Variants in ANO2 observed in about 807,000 individuals in gnomAD.
The protein encoded by ANO2 is anoctamin 2, also known as anoctamin-2.
In ANO2, 101 loss-of-function variants were observed where a neutral mutation model predicts 124.2. The ratio of observed to expected loss-of-function variants is 0.81; its 90% CI spans 0.69 to 0.96. ANO2 has a LOEUF of 0.96. Ranked by LOEUF, ANO2 falls within the 40% of genes least tolerant of loss-of-function variation. The probability of loss-of-function intolerance (pLI) is 0.00; values close to 1 mark genes in which losing one functional copy is unlikely to be tolerated. For synonymous variants in ANO2, 486 were observed against 482.5 expected (o/e 1.01, Z -0.09); for missense variants, 1,293 against 1,274.5 (o/e 1.01, Z -0.22).
intron 3 of ANO2, among the ~76,000 whole-genome samples, 159 bp downstream of exon 3, chr12:5,920,881 T>A (rs1445112167): frequency 6.6e-6 from 1 of 151,816 alleles, no homozygotes; most frequent in African/African-American, 2.4e-5. Context: ...AAAATTTTTT[T>A]TAAAAAAAGA....
intron 14 of ANO2, among the ~76,000 whole-genome samples, chr12:5,688,531 T>G (rs1234401711): frequency 6.6e-6 from 1 of 152,194 alleles, no homozygotes; most frequent in African/African-American, 2.4e-5. Flanking sequence ...AGGCTTAAAA[T>G]ATTGACTAAT....
intron 4 of ANO2, among the ~76,000 whole-genome samples, chr12:5,840,737 G>C (rs1038336854): frequency 2.6e-5 from 4 of 152,200 alleles, no homozygotes; most frequent in Non-Finnish European, 5.9e-5. Flanking sequence ...AGAACAGAAC[G>C]TGTGCTGCAG....
intron 10 of ANO2, among the ~76,000 whole-genome samples, chr12:5,793,145 A>G (rs188622718): frequency 1.3e-5 from 2 of 152,334 alleles, no homozygotes; most frequent in African/African-American, 4.8e-5. Flanking sequence ...AACAGGGTAT[A>G]CTTGTTCTGT....
intron 7 of ANO2, among the ~76,000 whole-genome samples, chr12:5,826,904 C>T (rs1219604801): frequency 6.6e-6 from 1 of 152,188 alleles, no homozygotes; most frequent in East Asian, 1.9e-4. Context: ...CAACCTAAAG[C>T]TGCCTCAAAA....
intron 10 of ANO2, among the ~76,000 whole-genome samples, chr12:5,789,192 C>T (rs1221927030): frequency 2.0e-5 from 3 of 152,330 alleles, no homozygotes; most frequent in Admixed American, 2.0e-4. Context: ...AGATGCAGTG[C>T]CTCTGAGTAG....
chr12:5,640,317 G>A (rs941806823), intron 15 of ANO2, among the ~76,000 whole-genome samples: 2 of 152,140 alleles, frequency 1.3e-5, no homozygotes, highest in Admixed American at 6.5e-5. Flanking sequence ...TGGCTTACCC[G>A]AACTTTATCA....
chr12:5,802,410 C>T (rs1953068742), intron 9 of ANO2, among the ~76,000 whole-genome samples: 1 of 152,204 alleles, frequency 6.6e-6, no homozygotes, highest in Admixed American at 6.5e-5. Context: ...AGCTGGGAGG[C>T]GGTGCAGCAA....
intron 4 of ANO2, among the ~76,000 whole-genome samples, chr12:5,837,430 A>G (rs1954364559): frequency 7.2e-6 from 1 of 138,340 alleles, no homozygotes; most frequent in Non-Finnish European, 1.5e-5. Context: ...GCACCCACTA[A>G]CTCGTCATCT....
intron 13 of ANO2, among the ~76,000 whole-genome samples, chr12:5,738,159 A>T (rs891387777): frequency 2.6e-5 from 4 of 152,226 alleles, no homozygotes; most frequent in African/African-American, 9.6e-5. Flanking sequence ...GGGTCCTGCC[A>T]TTCTTCAGCC....
At chr12:5,943,158 T>C (rs970133840) in intron 1 of ANO2, among the ~76,000 whole-genome samples, 1 of 152,164 alleles carries the variant, frequency 6.6e-6, no homozygotes, top group Non-Finnish European at 1.5e-5. Flanking sequence ...AAAAGACACA[T>C]GCACATGTAT....
chr12:5,586,287 T>A (rs1195222477), intron 20 of ANO2, among the ~76,000 whole-genome samples: 1 of 152,224 alleles, frequency 6.6e-6, no homozygotes, highest in South Asian at 2.1e-4. Flanking sequence ...GACCTGGGAC[T>A]CAACCTACTT....
At chr12:5,578,602 C>A in intron 20 of ANO2, 84 bp from the exon 21 acceptor site, 1 of 1,405,614 alleles carries the variant, frequency 7.1e-7, no homozygotes, top group South Asian at 1.4e-5. Context: ...GCCCCTTGTC[C>A]TTTCTGCCTT....
At position 5,922,756 on chromosome 12, in the gene ANO2, C is replaced by A. The variant is rs774025431; in HGVS notation, c.71G>T (p.Gly24Val). 6.4e-7 allele frequency: 1 copy of A among 1,573,918 alleles called. No homozygotes were observed. The highest frequency in any genetic ancestry group is 2.3e-5 in the East Asian group (1 of 43,520). Residue 24 changes from glycine to valine, a missense_variant, in exon 2 of 25, where the codon GGG becomes GTG. Physicochemically the swap from Gly to Val is moderately radical, Grantham distance 109 (BLOSUM62 -3). Coordinates refer to ENST00000682330, the MANE Select transcript of ANO2 (RefSeq NM_001364791.2). ...GSPRRLSPQAGSRGGQGPKHG... is the reference protein window; with the variant it reads ...GSPRRLSPQAVSRGGQGPKHG... Reference sequence around the variant, plus strand: ...TTTGGGGCCCTGGCCCCCTCTGGACCCTGCCTGAGGGCTCAGCCGGCGTGG... The same window carrying A: ...TTTGGGGCCCTGGCCCCCTCTGGACACTGCCTGAGGGCTCAGCCGGCGTGG...
chr12:5,623,997 G>T (rs76702998), intron 16 of ANO2, among the ~76,000 whole-genome samples: 1 of 152,102 alleles, frequency 6.6e-6, no homozygotes, highest in African/African-American at 2.4e-5. Flanking sequence ...GGCAGCCAGC[G>T]CATGACCTGA....
At position 5,565,050 on chromosome 12, in the gene ANO2, C is replaced by T. The variant is rs530376278; in HGVS notation, c.2727+508G>A. Among the ~76,000 whole-genome samples the T allele has an allele frequency of 3.3e-5, 5 of 152,138 alleles. No individual in the cohort carries two copies. The South Asian group carries it at 6.2e-4, about 19-fold the overall frequency. On this transcript the variant is annotated intron_variant, in intron 24 of 24. Coordinates refer to ENST00000682330, the MANE Select transcript of ANO2 (RefSeq NM_001364791.2). Reference sequence around the variant, plus strand: ...TGTCCCAGATAGGAATCACTGGGCTCGAGTTTGCTATTCATTCAGGGATGG... The same window carrying T: ...TGTCCCAGATAGGAATCACTGGGCTTGAGTTTGCTATTCATTCAGGGATGG...
chr12:5,731,019 A>T (rs908957070), intron 14 of ANO2, among the ~76,000 whole-genome samples: 1 of 152,386 alleles, frequency 6.6e-6, no homozygotes, highest in African/African-American at 2.4e-5. Flanking sequence ...CAATGTTTAT[A>T]TTAGAACCAC....
At chr12:5,657,640 A>C (rs1268468802) in intron 14 of ANO2, among the ~76,000 whole-genome samples, 3 of 151,912 alleles carry the variant, frequency 2.0e-5, no homozygotes, top group African/African-American at 7.3e-5. Context: ...CTCAGGGAGG[A>C]GGTACAAGTG....
chr12:5,879,687 G>A (rs768489601), intron 3 of ANO2, among the ~76,000 whole-genome samples: 1 of 152,214 alleles, frequency 6.6e-6, no homozygotes. Context: ...GAGCATTTCA[G>A]ATGGAGAGAG....
At chr12:5,663,071 G>T (rs1056484150) in intron 14 of ANO2, among the ~76,000 whole-genome samples, 1 of 152,198 alleles carries the variant, frequency 6.6e-6, no homozygotes, top group Non-Finnish European at 1.5e-5. Flanking sequence ...CGTTAAGAAG[G>T]ATTCCTCCTT....
Sources: allele counts gnomAD v4.1 joint callset (sites outside exome capture counted in the v4.1 genomes callset), GRCh38; gene constraint gnomAD v4.1.1; transcripts MANE v1.5; gene names NCBI Gene and HGNC (gene_info 2026-07-23, HGNC 2026-07-21).